Variants in TRAK1 observed in about 807,000 individuals in gnomAD.
TRAK1 encodes trafficking kinesin-binding protein 1.
Under a neutral mutation model 92.1 loss-of-function variants are expected in TRAK1, and 33 were observed. That is an observed-to-expected ratio of 0.36 (90% CI 0.27 to 0.48). The LOEUF is 0.48. Ranked by LOEUF, TRAK1 falls within the 20% of genes least tolerant of loss-of-function variation. TRAK1 has a pLI of 0.99. For missense variants in TRAK1, 1,123 were observed against 1,257.9 expected (o/e 0.89, Z 1.62); for synonymous variants, 521 against 517.3 (o/e 1.01, Z -0.10).
intron 13 of TRAK1, chr3:42,203,660 T>G: frequency 1.0e-6 from 1 of 985,352 alleles, no homozygotes; most frequent in South Asian, 4.7e-5. Context: ...TGTGTTACAC[T>G]TACGATGCAA....
chr3:42,074,676 GTTTTT>G (rs756876379), intron 1 of TRAK1, among the ~76,000 whole-genome samples: 1 of 141,548 alleles, frequency 7.1e-6, no homozygotes, highest in African/African-American at 2.6e-5. Context: ...TCTCAGACTA[GTTTTT>G]TTTTTTTTTT....
At chr3:42,059,851 G>A (rs540797184) in intron 1 of TRAK1, among the ~76,000 whole-genome samples, 1 of 152,194 alleles carries the variant, frequency 6.6e-6, no homozygotes, top group African/African-American at 2.4e-5. Flanking sequence ...GCATAATAAC[G>A]CCTGCTCCTT....
intron 2 of TRAK1, among the ~76,000 whole-genome samples, chr3:42,171,383 C>T (rs1242691400): frequency 6.6e-6 from 1 of 152,156 alleles, no homozygotes; most frequent in African/African-American, 2.4e-5. Context: ...GGTTTTCTAA[C>T]TATATTTTCT....
rs184458963 is a variant in TRAK1 at position 42,038,901 on chromosome 3, C to T, written c.-519+24784C>T. On this transcript the variant is annotated intron_variant, in intron 1 of 16. Coordinates refer to the TRAK1 transcript ENST00000487159. Reference sequence around the variant, plus strand: ...AAGCAGTCTTCCTGCCTTGGCCTCCCGAAGTGTTGGGATTGATTTTTTAAA... The same window carrying T: ...AAGCAGTCTTCCTGCCTTGGCCTCCTGAAGTGTTGGGATTGATTTTTTAAA... Among the ~76,000 whole-genome samples, 666 of 150,044 alleles carry T rather than the reference C, an allele frequency of 4.4e-3. 7 individuals are homozygous for T. Among genetic ancestry groups the T allele is most frequent in the African/African-American group, 0.015 (608 of 40,628 alleles).
At chr3:42,190,110 A>G (rs4682754) in intron 6 of TRAK1, among the ~76,000 whole-genome samples, 115,110 of 151,734 alleles carry the variant, frequency 0.76, 44,026 homozygotes, top group East Asian at 0.98. Context: ...CTTGTTTTTC[A>G]CCTTCACCCA....
At chr3:42,046,386 CCTAAGAGA>C (rs1205318504) in intron 1 of TRAK1, among the ~76,000 whole-genome samples, 1 of 151,428 alleles carries the variant, frequency 6.6e-6, no homozygotes, top group Non-Finnish European at 1.5e-5. Context: ...TTCAGGAACT[CCTAAGAGA>C]CCCTTAGGAG....
At chr3:42,146,349 A>C in intron 2 of TRAK1, 3 of 285,406 alleles carry the variant, frequency 1.1e-5, no homozygotes, top group Non-Finnish European at 2.2e-5. Flanking sequence ...TTCCATATCA[A>C]ATGAAGCTCT....
Position 42,188,110 on chromosome 3 carries a change from G to T in TRAK1, c.546G>T (p.Ala182=), listed in dbSNP as rs779487365. The change falls in exon 5 of 16, where the codon GCG becomes GCT. Residue 182 remains alanine (A), a synonymous_variant. Transcript: ENST00000327628. The part of the protein sequence containing the change: ...DELLQFYTSA[A]EESEPESVCS... ...TGCTTCAGTTCTACACCAGCGCTGC[G>T]GAGGAGAGTGAGCCCGAGTCCGTTT... 6 of 1,614,124 alleles carry T rather than the reference G, an allele frequency of 3.7e-6. No individual in the cohort carries two copies. The highest frequency in any genetic ancestry group is 4.2e-6 in the Non-Finnish European group (5 of 1,180,030).
intron 1 of TRAK1, among the ~76,000 whole-genome samples, chr3:42,048,451 A>G (rs543934403): frequency 1.3e-5 from 2 of 152,256 alleles, no homozygotes; most frequent in Admixed American, 1.3e-4. Context: ...TGTGGATTCT[A>G]TTCTGTGTTC....
chr3:42,174,134 C>T (rs756426227), intron 2 of TRAK1, among the ~76,000 whole-genome samples: 39 of 152,306 alleles, frequency 2.6e-4, no homozygotes, highest in Middle Eastern at 6.8e-3. Flanking sequence ...CCAAGCAATT[C>T]TCCTGCCTCA....
Position 42,202,440 on chromosome 3 carries a change from G to A in TRAK1, c.1432G>A (p.Asp478Asn). The A allele has an allele frequency of 3.4e-6, 5 of 1,476,936 alleles. No individual in the cohort carries two copies. The highest frequency in any genetic ancestry group is 1.5e-5 in the South Asian group (1 of 66,926). The allele number at this position is 1,476,936 out of a possible 1,614,324, so 91.5% of individuals were successfully genotyped here. ...CACACCCCTTTCTTCTTCCAGAAAC[G>A]ATGAGCGGAGTAAGAAGCCGGGGAC... ...LETEAADLGN[D>N]ERSKKPGTPG... Residue 478 changes from aspartate to asparagine, a missense_variant, in exon 13 of 16, where the codon GAT becomes AAT. By Grantham distance (23) the Asp-to-Asn change is conservative. Around this residue, in one of 3 missense-constraint regions of TRAK1, gnomAD observed 686 missense variants for 747.6 expected, o/e 0.92. Coordinates refer to ENST00000327628, the MANE Select transcript of TRAK1 (RefSeq NM_001042646.3). The surrounding 1 kb of genome is among the most constrained non-coding windows in gnomAD (Gnocchi z 6.1).
At chr3:42,149,625 G>A (rs1328387221) in intron 2 of TRAK1, 11 of 1,536,060 alleles carry the variant, frequency 7.2e-6, no homozygotes, top group Non-Finnish European at 9.6e-6. Context: ...GCAAAACAGA[G>A]CCGGGATGTA....
At chr3:42,174,641 T>G (rs1702963050) in intron 2 of TRAK1, among the ~76,000 whole-genome samples, 1 of 141,994 alleles carries the variant, frequency 7.0e-6, no homozygotes, top group African/African-American at 2.7e-5. Context: ...TGGCTAATTT[T>G]TGTGTGTATA....
At chr3:42,040,938 C>T (rs923398866) in intron 1 of TRAK1, among the ~76,000 whole-genome samples, 3 of 152,144 alleles carry the variant, frequency 2.0e-5, no homozygotes, top group Non-Finnish European at 1.5e-5. Context: ...CTTGGCCTCT[C>T]AAAGTGCTGG....
chr3:42,216,133 C>T (rs1001021424), intron 14 of TRAK1, among the ~76,000 whole-genome samples: 6 of 152,180 alleles, frequency 3.9e-5, no homozygotes, highest in African/African-American at 1.4e-4. Flanking sequence ...CCTCTGGGCC[C>T]CACCGGAGTG....
At chr3:42,146,844 A>G (rs987852236) in intron 2 of TRAK1, among the ~76,000 whole-genome samples, 1 of 152,192 alleles carries the variant, frequency 6.6e-6, no homozygotes, top group African/African-American at 2.4e-5. Context: ...GCATGAGCCA[A>G]TGCAACCAGC....
chr3:42,203,448 T>C, intron 13 of TRAK1: 1 of 984,306 alleles, frequency 1.0e-6, no homozygotes, highest in Non-Finnish European at 1.2e-6. Flanking sequence ...ATTAAACTCA[T>C]GGGAAAAACT....
chr3:42,224,420 C>T lies in TRAK1; in HGVS notation c.*683C>T, dbSNP rs905390074. On this transcript the variant is annotated 3_prime_UTR_variant, in exon 16 of 16. Coordinates refer to ENST00000327628, the MANE Select transcript of TRAK1 (RefSeq NM_001042646.3). ...CAGCTGTCAGGCCAAATGTCTGACC[C>T]GAAAGAGAATGTATTTACACTCATG... 8.4e-5 allele frequency: 20 copies of T among 239,514 alleles called. No homozygotes were observed. Among genetic ancestry groups the T allele is most frequent in the Admixed American group, 1.8e-4 (3 of 16,736 alleles). The allele number at this position is 239,514 out of a possible 1,614,324, so 14.8% of individuals were successfully genotyped here. A position where few individuals can be genotyped will look rare whatever the true frequency, so the allele number is the denominator to read the frequency against.
At chr3:42,031,145 C>T (rs1348234559) in intron 1 of TRAK1, among the ~76,000 whole-genome samples, 3 of 151,070 alleles carry the variant, frequency 2.0e-5, no homozygotes, top group Admixed American at 6.6e-5. Flanking sequence ...GAGCAATTCT[C>T]CTGCCTCAGC....
Sources: allele counts gnomAD v4.1 joint callset (sites outside exome capture counted in the v4.1 genomes callset), GRCh38; gene constraint gnomAD v4.1.1; regional missense constraint gnomAD v4.1.1; non-coding constraint Gnocchi (gnomAD v3.1); transcripts MANE v1.5; gene names NCBI Gene and HGNC (gene_info 2026-07-23, HGNC 2026-07-21).